ADGRL3: variants seen among roughly 807,000 people sequenced by gnomAD.
The protein encoded by ADGRL3 is calcium-independent alpha-latrotoxin receptor 3.
Under a neutral mutation model 153.5 loss-of-function variants are expected in ADGRL3, and 62 were observed. That is an observed-to-expected ratio of 0.40 (90% confidence interval 0.33 to 0.50). ADGRL3 has a LOEUF of 0.50. Among genes scored for constraint, ADGRL3 ranks in the 20% least tolerant of loss-of-function variants. The pLI is 0.47. For missense variants in ADGRL3, 1,641 were observed against 1,859.4 expected (o/e 0.88, Z 2.16); for synonymous variants, 710 against 672.5 (o/e 1.06, Z -0.86).
chr4:61,995,320 G>A (rs2099118026), intron 19 of ADGRL3, among the ~76,000 whole-genome samples: 2 of 151,262 alleles, frequency 1.3e-5, no homozygotes, highest in African/African-American at 4.9e-5. Flanking sequence ...TTACTTTTTT[G>A]ATAGGCATTT....
Position 61,987,942 on chromosome 4 carries a change from C to T in ADGRL3, c.3236+4339C>T, listed in dbSNP as rs369365351. ...GAAATCTTTAATATAATAATAATACCTTACATTTCTAAAATTTAGAGAATT... is the reference window on the plus strand; with the variant it reads ...GAAATCTTTAATATAATAATAATACTTTACATTTCTAAAATTTAGAGAATT... On this transcript the variant is annotated intron_variant, in intron 19 of 26. Transcript: ENST00000683033. Among the ~76,000 whole-genome samples, 6 of 151,422 alleles carry T rather than the reference C, an allele frequency of 4.0e-5. No homozygotes were observed. The South Asian group carries it at 1.2e-3, about 32-fold the overall frequency.
intron 6 of ADGRL3, among the ~76,000 whole-genome samples, chr4:61,714,391 C>T (rs749588540): frequency 6.6e-6 from 1 of 152,144 alleles, no homozygotes; most frequent in Non-Finnish European, 1.5e-5. Flanking sequence ...CACACACACA[C>T]ACATATTTAG....
intron 8 of ADGRL3, among the ~76,000 whole-genome samples, chr4:61,781,316 G>A (rs79000367): frequency 0.066 from 7,655 of 115,602 alleles, 589 homozygotes; most frequent in African/African-American, 0.21. Context: ...GGCAAAAAGA[G>A]CAAAATTCTG....
At chr4:61,931,456 T>C (rs1403667624) in intron 13 of ADGRL3, among the ~76,000 whole-genome samples, 1 of 152,188 alleles carries the variant, frequency 6.6e-6, no homozygotes, top group Admixed American at 6.5e-5. Flanking sequence ...TCTGAGATGA[T>C]TATATTATCA....
At chr4:61,870,279 A>C (rs990894919) in intron 9 of ADGRL3, among the ~76,000 whole-genome samples, 1 of 152,126 alleles carries the variant, frequency 6.6e-6, no homozygotes, top group African/African-American at 2.4e-5. Context: ...ATGGGGTTGG[A>C]CCTATCCCTT....
chr4:61,754,326 C>G (rs1044611383), intron 8 of ADGRL3, among the ~76,000 whole-genome samples: 1 of 151,978 alleles, frequency 6.6e-6, no homozygotes, highest in African/African-American at 2.4e-5. Context: ...GTTTCCAAAT[C>G]TAGAGAGATC....
At chr4:61,489,183 A>G in intron 2 of ADGRL3, among the ~76,000 whole-genome samples, 1 of 151,970 alleles carries the variant, frequency 6.6e-6, no homozygotes, top group East Asian at 1.9e-4. Context: ...TGTGAACATT[A>G]GGGTATAGAA....
chr4:61,203,391 C>G (rs1735730119), intron 1 of ADGRL3, among the ~76,000 whole-genome samples: 1 of 152,156 alleles, frequency 6.6e-6, no homozygotes, highest in Non-Finnish European at 1.5e-5. Context: ...CCTTTAGAGT[C>G]TAACCTGCTG....
rs1011907429 is a variant in ADGRL3, at chr4:62,067,457, C to T, written c.3815-709C>T. On this transcript the variant is annotated intron_variant, in intron 25 of 26. Coordinates refer to ENST00000683033, the MANE Select transcript of ADGRL3 (RefSeq NM_001387552.1). ...GAAGAAAACCTAATATTGTTGGTTGCGTTTTTCCCCTCTCACATTTTCTGT... is the reference window on the plus strand; with the variant it reads ...GAAGAAAACCTAATATTGTTGGTTGTGTTTTTCCCCTCTCACATTTTCTGT... 4.6e-5 allele frequency among the ~76,000 whole-genome samples: 7 copies of T among 152,020 alleles called. No homozygotes were observed. The South Asian group carries it at 6.2e-4, about 14-fold the overall frequency.
intron 4 of ADGRL3, among the ~76,000 whole-genome samples, chr4:61,553,047 T>C (rs2098747547): frequency 6.6e-6 from 1 of 152,216 alleles, no homozygotes; most frequent in South Asian, 2.1e-4. Flanking sequence ...TAAAGGTTTT[T>C]TGGCTTATTG....
rs1721323129 is a variant in ADGRL3, at chr4:62,030,334, T to C, written c.3423-1108T>C. On this transcript the variant is annotated intron_variant, in intron 22 of 26. Coordinates refer to ENST00000683033, the MANE Select transcript of ADGRL3 (RefSeq NM_001387552.1). Reference sequence around the variant, plus strand: ...GTCATTATAGTGGAGGATAATAATCTGCTGGAAAGAAATATGAATTTACCC... The same window carrying C: ...GTCATTATAGTGGAGGATAATAATCCGCTGGAAAGAAATATGAATTTACCC... Among the ~76,000 whole-genome samples, 3 of 151,656 alleles carry C rather than the reference T, an allele frequency of 2.0e-5. No homozygotes were observed. The South Asian group carries it at 6.2e-4, about 31-fold the overall frequency.
chr4:61,846,285 C>G (rs532941229), intron 9 of ADGRL3, among the ~76,000 whole-genome samples: 206 of 151,396 alleles, frequency 1.4e-3, no homozygotes, highest in Middle Eastern at 0.014. Context: ...TCACTGCACT[C>G]TAGCCTAAGC....
At chr4:61,807,619 A>C (rs894888686) in intron 8 of ADGRL3, among the ~76,000 whole-genome samples, 1 of 152,128 alleles carries the variant, frequency 6.6e-6, no homozygotes. Context: ...CATCTCTTTC[A>C]GATTAGTTGA....
At chr4:61,636,361 A>T (rs1040134758) in intron 5 of ADGRL3, among the ~76,000 whole-genome samples, 1 of 152,202 alleles carries the variant, frequency 6.6e-6, no homozygotes, top group Non-Finnish European at 1.5e-5. Context: ...AATTCCTATA[A>T]TAAATATATG....
intron 25 of ADGRL3, among the ~76,000 whole-genome samples, chr4:62,048,073 A>G (rs1441361502): frequency 2.0e-5 from 3 of 152,036 alleles, no homozygotes; most frequent in Non-Finnish European, 4.4e-5. Context: ...GTCAGCACTC[A>G]ATCCTCAGTC....
chr4:61,804,931 T>G (rs2148484559), intron 8 of ADGRL3, among the ~76,000 whole-genome samples: 1 of 147,388 alleles, frequency 6.8e-6, no homozygotes, highest in South Asian at 2.1e-4. Context: ...CTTTATTTAT[T>G]TATTTATTTA....
At chr4:61,906,250 G>A (rs2098695122) in intron 11 of ADGRL3, 1 of 151,912 alleles carries the variant, frequency 6.6e-6, no homozygotes, top group Admixed American at 6.6e-5. Context: ...ATATCCTGAA[G>A]ACTAATCTTA....
chr4:61,957,737 A>G (rs1248414235), intron 17 of ADGRL3, among the ~76,000 whole-genome samples: 2 of 151,902 alleles, frequency 1.3e-5, no homozygotes, highest in African/African-American at 4.8e-5. Context: ...AACTAGTTAA[A>G]GCTTTGTTTT....
rs116276367 is a variant in ADGRL3, at chr4:61,595,820, C to T, written c.473+8380C>T. Among the ~76,000 whole-genome samples, 889 of 152,270 alleles carry T rather than the reference C, an allele frequency of 5.8e-3. 11 individuals carry two copies. Among genetic ancestry groups the T allele is most frequent in the African/African-American group, 0.019 (806 of 41,570 alleles). On this transcript the variant is annotated intron_variant, in intron 5 of 26. Coordinates refer to ENST00000683033, the MANE Select transcript of ADGRL3 (RefSeq NM_001387552.1). Reference sequence around the variant, plus strand: ...CTCAGTGGTGAGGCTTGCATGAAACCCAAGTTCCGGCCCATGGGATGAGTG... The same window carrying T: ...CTCAGTGGTGAGGCTTGCATGAAACTCAAGTTCCGGCCCATGGGATGAGTG...
Sources: allele counts gnomAD v4.1 joint callset (sites outside exome capture counted in the v4.1 genomes callset), GRCh38; gene constraint gnomAD v4.1.1; transcripts MANE v1.5; gene names NCBI Gene and HGNC (gene_info 2026-07-23, HGNC 2026-07-21).